OSBP2: variants seen among roughly 807,000 people sequenced by gnomAD.
OSBP2 encodes oxysterol binding protein 2, also known as oxysterol-binding protein 2.
Under a neutral mutation model 96.0 loss-of-function variants are expected in OSBP2, and 66 were observed. That is an observed-to-expected ratio of 0.69 (90% CI 0.56 to 0.84). OSBP2 has a LOEUF of 0.84. Among genes scored for constraint, OSBP2 ranks in the 40% least tolerant of loss-of-function variants. The pLI is 0.00. For synonymous variants in OSBP2, 525 were observed against 520.9 expected (o/e 1.01, Z -0.11); for missense variants, 1,038 against 1,222.7 (o/e 0.85, Z 2.25).
intron 1 of OSBP2, among the ~76,000 whole-genome samples, chr22:30,697,643 T>C (rs532385744): frequency 1.3e-5 from 2 of 152,282 alleles, no homozygotes; most frequent in Admixed American, 1.3e-4. Context: ...TGCTTGCTGA[T>C]AATGTTGTGA....
At chr22:30,795,281 C>T (rs1000362002) in intron 2 of OSBP2, among the ~76,000 whole-genome samples, 2 of 152,074 alleles carry the variant, frequency 1.3e-5, no homozygotes, top group Admixed American at 6.6e-5. Context: ...TTTTGTTTCT[C>T]CTTTTTGGGT....
intron 1 of OSBP2, among the ~76,000 whole-genome samples, chr22:30,710,964 G>A (rs563689907): frequency 2.7e-5 from 4 of 150,506 alleles, no homozygotes; most frequent in East Asian, 3.9e-4. Context: ...GGCTGGTCTC[G>A]AACTCCTTGA....
chr22:30,768,868 A>T (rs1485410662), intron 2 of OSBP2, among the ~76,000 whole-genome samples: 1 of 152,174 alleles, frequency 6.6e-6, no homozygotes, highest in Non-Finnish European at 1.5e-5. Context: ...GTTAACCTTC[A>T]CGTGGATCTG....
At chr22:30,897,660 G>A (rs1025521080) in intron 12 of OSBP2, among the ~76,000 whole-genome samples, 5 of 152,190 alleles carry the variant, frequency 3.3e-5, no homozygotes, top group East Asian at 1.9e-4. Context: ...ATATTTGGCC[G>A]GGATGGTGAC....
At chr22:30,756,535 A>G (rs1222640094) in intron 2 of OSBP2, among the ~76,000 whole-genome samples, 1 of 152,174 alleles carries the variant, frequency 6.6e-6, no homozygotes, top group African/African-American at 2.4e-5. Context: ...TCTAGTAAAA[A>G]TACAAAAATT....
intron 2 of OSBP2, among the ~76,000 whole-genome samples, chr22:30,859,750 AAAACACC>A (rs2039171275): frequency 6.6e-6 from 1 of 152,254 alleles, no homozygotes; most frequent in Non-Finnish European, 1.5e-5. Context: ...ATGAAAAAGC[AAAACACC>A]AAACTGAATT....
At chr22:30,814,115 C>T (rs1019056234) in intron 2 of OSBP2, among the ~76,000 whole-genome samples, 2 of 152,236 alleles carry the variant, frequency 1.3e-5, no homozygotes, top group East Asian at 1.9e-4. Flanking sequence ...GAGTGCCCGC[C>T]TGTGCTGGAG....
At chr22:30,694,196 C>T (rs78160826), upstream of OSBP2, 155 of 1,550,042 alleles carry the variant, frequency 1.0e-4, 1 homozygote, top group African/African-American at 1.1e-3. Flanking sequence ...AAGTCTTCCC[C>T]TATTTGTTTA....
intron 12 of OSBP2, among the ~76,000 whole-genome samples, chr22:30,901,052 A>G (rs1457045954): frequency 6.6e-6 from 1 of 152,182 alleles, no homozygotes; most frequent in Non-Finnish European, 1.5e-5. Flanking sequence ...TTAAAAATAA[A>G]AATTTTTAAA....
chr22:30,759,099 G>A (rs2090176287), intron 2 of OSBP2, among the ~76,000 whole-genome samples: 3 of 152,192 alleles, frequency 2.0e-5, no homozygotes, highest in Admixed American at 1.3e-4. Flanking sequence ...GTGTAACCTG[G>A]CACTTTGGGA....
chr22:30,761,046 G>A (rs763513765), intron 2 of OSBP2, among the ~76,000 whole-genome samples: 2 of 152,086 alleles, frequency 1.3e-5, no homozygotes, highest in Admixed American at 6.6e-5. Context: ...TTTACTTTCC[G>A]CCTAGGATCA....
At chr22:30,696,693 G>A (rs554692945) in intron 1 of OSBP2, among the ~76,000 whole-genome samples, 86 of 152,110 alleles carry the variant, frequency 5.7e-4, no homozygotes, top group African/African-American at 1.9e-3. Context: ...TTGCTCTGTC[G>A]CCCAGGCTGG....
intron 3 of OSBP2, among the ~76,000 whole-genome samples, chr22:30,878,663 C>T (rs2039635742): frequency 1.3e-5 from 2 of 152,136 alleles, no homozygotes; most frequent in African/African-American, 4.8e-5. Context: ...AGGGTAGATG[C>T]TTACCAGGCC....
chr22:30,813,530 AAACTC>A (rs930505851), intron 2 of OSBP2, among the ~76,000 whole-genome samples: 1 of 151,616 alleles, frequency 6.6e-6, no homozygotes, highest in African/African-American at 2.4e-5. Context: ...ACTTTGAACA[AAACTC>A]AACTTCACTA....
chr22:30,889,433 G>A, intron 6 of OSBP2, 57 bp from the exon 7 acceptor site: 5 of 1,603,348 alleles, frequency 3.1e-6, no homozygotes, highest in Non-Finnish European at 4.3e-6. Flanking sequence ...AAACTTGGAA[G>A]CCAAGGGGGC....
intron 2 of OSBP2, among the ~76,000 whole-genome samples, chr22:30,806,265 G>A (rs1005448714): frequency 2.0e-5 from 3 of 152,278 alleles, no homozygotes; most frequent in East Asian, 3.9e-4. Flanking sequence ...CAGCAGAGCC[G>A]GAGTCACCCC....
intron 2 of OSBP2, among the ~76,000 whole-genome samples, chr22:30,820,917 C>G (rs2146976844): frequency 6.6e-6 from 1 of 152,330 alleles, no homozygotes; most frequent in South Asian, 2.1e-4. Flanking sequence ...GAATTACTGA[C>G]CCAGCACCAC....
intron 2 of OSBP2, among the ~76,000 whole-genome samples, chr22:30,777,281 A>G (rs1239552354): frequency 6.6e-6 from 1 of 152,078 alleles, no homozygotes; most frequent in Non-Finnish European, 1.5e-5. Flanking sequence ...TTGAATTCCC[A>G]CATGTTGTGG....
chr22:30,737,978 C>G lies in OSBP2; in HGVS notation c.645-3183C>G, dbSNP rs547575730. ...CCACCCGGCTCGGCCTCCCAAAGTG[C>G]TGGGATTACAGGCGTGAGCCACCGT... On this transcript the variant is annotated intron_variant, in intron 1 of 13. Coordinates refer to ENST00000332585, the MANE Select transcript of OSBP2 (RefSeq NM_030758.4). 1.2e-4 allele frequency among the ~76,000 whole-genome samples: 19 copies of G among 152,222 alleles called. No homozygotes were observed. The South Asian group carries it at 3.9e-3, about 32-fold the overall frequency.
Sources: gnomAD v4.1 joint callset for allele counts (sites outside exome capture counted in the v4.1 genomes callset) on GRCh38, gnomAD v4.1.1 for gene constraint, MANE v1.5 for transcripts, NCBI Gene and HGNC (gene_info 2026-07-23, HGNC 2026-07-21) for gene names.